NOS1: variants seen among roughly 807,000 people sequenced by gnomAD.
The protein encoded by NOS1 is NOS type I.
Under a neutral mutation model 164.5 loss-of-function variants are expected in NOS1, and 51 were observed. The ratio of observed to expected loss-of-function variants is 0.31; its 90% CI spans 0.25 to 0.39. The LOEUF (loss-of-function observed/expected upper bound fraction) is 0.39, where lower values mean the gene tolerates loss of function less well. Among genes scored for constraint, NOS1 ranks in the 10% least tolerant of loss-of-function variants. The probability of loss-of-function intolerance (pLI) is 1.00; values close to 1 mark genes in which losing one functional copy is unlikely to be tolerated. For synonymous variants in NOS1, 719 were observed against 745.8 expected, an observed-to-expected ratio of 0.96 and a Z score of 0.59; for missense variants, 1,362 against 1,885.6, an observed-to-expected ratio of 0.72 and a Z score of 5.14.
In NOS1 at chr12:117,258,455, T is replaced by C; in HGVS notation, c.2473A>G (p.Lys825Glu). 1 of 1,614,118 alleles carries C rather than the reference T, an allele frequency of 6.2e-7. No homozygotes were observed. The highest frequency in any genetic ancestry group is 1.3e-5 in the African/African-American group (1 of 75,030). Residue 825 changes from lysine (K) to glutamate (E), a missense_variant and splice_region_variant, in exon 16 of 29, where the codon AAA becomes GAA. By Grantham distance (56) the Lys-to-Glu change is moderately conservative (BLOSUM62 1). Around this residue, in one of 4 missense-constraint regions of NOS1, gnomAD observed 737 missense variants for 1,030.3 expected, o/e 0.72. Transcript: ENST00000317775. Reference sequence around the variant, plus strand: ...ATTTCCATCAAAGCACAGCCGAATTTCTGGAAGCCAAAACATATGGGTGAA... The same window carrying C: ...ATTTCCATCAAAGCACAGCCGAATTCCTGGAAGCCAAAACATATGGGTGAA... ...GNGDPPENGE[K>E]FGCALMEMRH...
intron 13 of NOS1, among the ~76,000 whole-genome samples, chr12:117,262,922 A>C (rs1872057261): frequency 6.6e-6 from 1 of 152,032 alleles, no homozygotes; most frequent in Admixed American, 6.6e-5. Context: ...TCTTTGCTTA[A>C]ACTTTCTTAA....
intron 3 of NOS1, among the ~76,000 whole-genome samples, chr12:117,293,927 C>T (rs150223526): frequency 0.013 from 1,975 of 152,236 alleles, 20 homozygotes; most frequent in Non-Finnish European, 0.02. Context: ...TCTGGCCAGG[C>T]ACCCTAAACA....
At chr12:117,292,200 G>A (rs1873107716) in intron 3 of NOS1, among the ~76,000 whole-genome samples, 1 of 152,212 alleles carries the variant, frequency 6.6e-6, no homozygotes, top group Non-Finnish European at 1.5e-5. Context: ...TAAACAGTAA[G>A]TAAACTAATA....
chr12:117,345,032 T>A (rs1467120417), intron 1 of NOS1, among the ~76,000 whole-genome samples: 1 of 222 alleles, frequency 4.5e-3, no homozygotes. Flanking sequence ...GCTTTCTTGC[T>A]TTTTTTTTTT....
intron 24 of NOS1, 112 bp downstream of exon 24, chr12:117,226,571 G>T: frequency 2.4e-6 from 2 of 847,912 alleles, no homozygotes; most frequent in Non-Finnish European, 3.9e-6. Flanking sequence ...TCTCCATCGT[G>T]TGTCACCCAG....
chr12:117,226,107 T>G (rs1436857953), intron 24 of NOS1, among the ~76,000 whole-genome samples: 1 of 152,226 alleles, frequency 6.6e-6, no homozygotes, highest in Non-Finnish European at 1.5e-5. Flanking sequence ...GAGATTTGGA[T>G]CATTATCAAT....
chr12:117,222,708 G>T lies in NOS1; in HGVS notation c.3975+7C>A. ...GCTGGGCTAGGGGGTGGGCTGCTGG[G>T]GGTTACCTTTGGTTTGTCTGGCTCC... On this transcript the variant is annotated splice_region_variant and intron_variant, in intron 26 of 28. Transcript: ENST00000317775. The T allele has an allele frequency of 1.2e-6, 2 of 1,613,504 alleles. No individual in the cohort carries two copies. Among genetic ancestry groups the T allele is most frequent in the Admixed American group, 3.3e-5 (2 of 60,000 alleles).
intron 2 of NOS1, among the ~76,000 whole-genome samples, chr12:117,321,619 G>A (rs1484201742): frequency 6.6e-6 from 1 of 152,126 alleles, no homozygotes; most frequent in Non-Finnish European, 1.5e-5. Flanking sequence ...ACGTTCAAGT[G>A]GGCAAGATCA....
rs1956518435 is a variant in NOS1, at chr12:117,210,961, TTTTA to T, written c.*4344_*4347del. On this transcript the variant is annotated 3_prime_UTR_variant, in exon 29 of 29. Transcript: ENST00000317775. ...AGATGTTTTATTTTATTTTATTTTA[TTTTA>T]TTTTTTTTGAGATAAGAGTCTTGCT... The T allele has an allele frequency of 1.0e-6, 1 of 958,176 alleles. No homozygotes were observed. Among genetic ancestry groups the T allele is most frequent in the African/African-American group, 1.8e-5 (1 of 55,524 alleles). The allele number at this position is 958,176 out of a possible 1,614,324, so 59.4% of individuals were successfully genotyped here. A position where few individuals can be genotyped will look rare whatever the true frequency, so the allele number is the denominator to read the frequency against.
Position 117,212,543 on chromosome 12 carries a change from C to T in NOS1, c.*2766G>A. On this transcript the variant is annotated 3_prime_UTR_variant, in exon 29 of 29. Coordinates refer to ENST00000317775, the MANE Select transcript of NOS1 (RefSeq NM_000620.5). ...AGTGATGGCAGGTGAGCATGATGTTCCGGTGTTCCTATTTCAGGAGACGTC... is the reference window on the plus strand; with the variant it reads ...AGTGATGGCAGGTGAGCATGATGTTTCGGTGTTCCTATTTCAGGAGACGTC... 3.0e-6 allele frequency: 3 copies of T among 985,432 alleles called. No individual in the cohort carries two copies. The highest frequency in any genetic ancestry group is 3.6e-6 in the Non-Finnish European group (3 of 829,942). The allele number at this position is 985,432 out of a possible 1,614,324, so 61.0% of individuals were successfully genotyped here. A position where few individuals can be genotyped will look rare whatever the true frequency, so the allele number is the denominator to read the frequency against.
At chr12:117,308,811 G>A (rs991086973) in intron 3 of NOS1, among the ~76,000 whole-genome samples, 10 of 151,998 alleles carry the variant, frequency 6.6e-5, no homozygotes, top group African/African-American at 2.4e-4. Context: ...TGGTCAGGCT[G>A]GTCTTGAACT....
At chr12:117,263,776 A>C in intron 13 of NOS1, 113 bp downstream of exon 13, 1 of 756,724 alleles carries the variant, frequency 1.3e-6, no homozygotes, top group Non-Finnish European at 2.3e-6. Context: ...GAAGATGAAG[A>C]AATCATATTC....
chr12:117,282,497 A>G (rs1873752957), intron 7 of NOS1, among the ~76,000 whole-genome samples: 1 of 152,116 alleles, frequency 6.6e-6, no homozygotes, highest in Non-Finnish European at 1.5e-5. Context: ...CCTGATTCAA[A>G]TCTGCTTCCT....
chr12:117,243,618 C>G lies in NOS1; in HGVS notation c.2824-183G>C, dbSNP rs1422423857. 6.6e-6 allele frequency among the ~76,000 whole-genome samples: 1 copy of G among 151,108 alleles called. No homozygotes were observed. The highest frequency in any genetic ancestry group is 1.5e-5 in the Non-Finnish European group (1 of 67,726). On this transcript the variant is annotated intron_variant, in intron 18 of 28. Transcript: ENST00000317775. This position sits in a 1 kb window ranked among gnomAD's most constrained non-coding sequence, Gnocchi z 4.3. ...TAACCCTTCCCTCCTTCCCTTCTTCCTTCCCTTCCTTTCTTCCCTCTACCC... is the reference window on the plus strand; with the variant it reads ...TAACCCTTCCCTCCTTCCCTTCTTCGTTCCCTTCCTTTCTTCCCTCTACCC...
chr12:117,342,186 T>C (rs566152885), intron 1 of NOS1, among the ~76,000 whole-genome samples: 1 of 152,262 alleles, frequency 6.6e-6, no homozygotes, highest in Admixed American at 6.5e-5. Context: ...ATGCCAACCA[T>C]TCATTTGCCT....
chr12:117,341,757 G>T (rs866727883), intron 1 of NOS1, among the ~76,000 whole-genome samples: 1 of 152,130 alleles, frequency 6.6e-6, no homozygotes, highest in African/African-American at 2.4e-5. Flanking sequence ...ACCCACCTCT[G>T]CTGCCTATTA....
At chr12:117,302,136 C>T (rs1593005140) in intron 3 of NOS1, 1 of 456,360 alleles carries the variant, frequency 2.2e-6, no homozygotes, top group East Asian at 7.0e-5. Context: ...AAGCCATGGA[C>T]TTAAAGTGCT....
Position 117,290,399 on chromosome 12 carries a change from T to C in NOS1, c.880A>G (p.Thr294Ala). The change falls in exon 4 of 29, where the codon ACA becomes GCA. Residue 294 changes from threonine (T) to alanine (A), a missense_variant. By Grantham distance (58) the Thr-to-Ala change is moderately conservative (BLOSUM62 0). Transcript: ENST00000317775. ...CACTTGGAGGGGCTGCCATTCTTTG[T>C]GGGGGACTGTTTTCCTGAGGTGGGG... is the stretch of plus-strand genomic sequence containing the variant. ...QPPTSGKQSP[T>A]KNGSPSKCPR... is the part of the protein sequence containing the mutation. 2.5e-6 allele frequency: 4 copies of C among 1,613,184 alleles called. No homozygotes were observed. Among genetic ancestry groups the C allele is most frequent in the Non-Finnish European group, 3.4e-6 (4 of 1,179,578 alleles).
At chr12:117,350,623 A>C (rs1416482710) in intron 1 of NOS1, among the ~76,000 whole-genome samples, 2 of 152,204 alleles carry the variant, frequency 1.3e-5, no homozygotes, top group Non-Finnish European at 2.9e-5. Context: ...CAGGAAGCAA[A>C]ATGGAGACAT....
Sources: allele counts gnomAD v4.1 joint callset (sites outside exome capture counted in the v4.1 genomes callset), GRCh38; gene constraint gnomAD v4.1.1; regional missense constraint gnomAD v4.1.1; non-coding constraint Gnocchi (gnomAD v3.1); transcripts MANE v1.5; gene names NCBI Gene and HGNC (gene_info 2026-07-23, HGNC 2026-07-21).